Variants in PKD1L1 observed in about 807,000 individuals in gnomAD.
The protein encoded by PKD1L1 is polycystin 1 like 1, transient receptor potential channel interacting.
In PKD1L1, 236 loss-of-function variants were observed where a neutral mutation model predicts 323.4. That is an observed-to-expected ratio of 0.73 (90% CI 0.66 to 0.81). PKD1L1 has a LOEUF of 0.81. Ranked by LOEUF, PKD1L1 falls within the 40% of genes least tolerant of loss-of-function variation. The pLI is 0.00. For missense variants in PKD1L1, 3,320 were observed against 3,508.0 expected, an observed-to-expected ratio of 0.95 and a Z score of 1.35; for synonymous variants, 1,344 against 1,335.0, an observed-to-expected ratio of 1.01 and a Z score of -0.15.
In PKD1L1 at chr7:47,858,738, C is replaced by T. The variant is rs749229906; in HGVS notation, c.4297G>A (p.Glu1433Lys). ...CGATAGACTTCCTCCTTCGAGTTTT[C>T]TTGCTCAGAGACTTCCCAGACTCTG... ...ISRVWEVSEQ[E>K]NSKEEVYRHE... Residue 1433 changes from glutamate to lysine, a missense_variant, in exon 27 of 57, where the codon GAA (glutamate) becomes AAA (lysine). Coordinates refer to ENST00000289672, the MANE Select transcript of PKD1L1 (RefSeq NM_138295.5). 6.2e-7 allele frequency: 1 copy of T among 1,614,148 alleles called. No individual in the cohort carries two copies. Among genetic ancestry groups the T allele is most frequent in the South Asian group, 1.1e-5 (1 of 91,074 alleles).
chr7:47,800,926 A>G, intron 53 of PKD1L1, 47 bp from the exon 54 acceptor site: 1 of 1,512,254 alleles, frequency 6.6e-7, no homozygotes, highest in Non-Finnish European at 9.2e-7. Flanking sequence ...ACCTCTTCTT[A>G]GGAGTGGAAG....
intron 45 of PKD1L1, among the ~76,000 whole-genome samples, chr7:47,824,673 G>A (rs1322534968): frequency 2.0e-5 from 3 of 152,098 alleles, no homozygotes; most frequent in Non-Finnish European, 4.4e-5. Flanking sequence ...CTACAGGCAC[G>A]CATATTCTTG....
At chr7:47,901,228 C>T (rs777028442) in intron 13 of PKD1L1, among the ~76,000 whole-genome samples, 3 of 147,522 alleles carry the variant, frequency 2.0e-5, no homozygotes, top group Non-Finnish European at 4.4e-5. Context: ...ATCCCTGCTA[C>T]TTGGGAGGCT....
rs779290295 is a variant in PKD1L1, at chr7:47,813,210, C to T, written c.7257G>A (p.Leu2419=). ...PEVGGPENPY[L]IDPENQNVTL... Reference sequence around the variant, plus strand: ...TCACGTTTTGGTTCTCTGGGTCTATCAGGTAGGGGTTCTCAGGGCCTCCAA... The same window carrying T: ...TCACGTTTTGGTTCTCTGGGTCTATTAGGTAGGGGTTCTCAGGGCCTCCAA... The change falls in exon 49 of 57, where the codon CTG becomes CTA. Residue 2419 remains leucine, a synonymous_variant. Transcript: ENST00000289672. 1 of 1,614,216 alleles carries T rather than the reference C, an allele frequency of 6.2e-7. No homozygotes were observed. The highest frequency in any genetic ancestry group is 8.5e-7 in the Non-Finnish European group (1 of 1,180,044).
At chr7:47,776,111 A>G (rs1786563023) in intron 56 of PKD1L1, among the ~76,000 whole-genome samples, 1 of 152,208 alleles carries the variant, frequency 6.6e-6, no homozygotes, top group African/African-American at 2.4e-5. Flanking sequence ...CACATTACCA[A>G]AGTTATCTCA....
In PKD1L1 at chr7:47,928,285, G is replaced by C. The variant is rs572975199; in HGVS notation, c.1060+919C>G. 2.2e-4 allele frequency among the ~76,000 whole-genome samples: 33 copies of C among 152,310 alleles called. 1 individual carries two copies. The South Asian group carries it at 2.3e-3, about 11-fold the overall frequency. ...AGTAACTTTAAAAACAAAAGGCCGG[G>C]GGGGAAGGTGCAGTGGCTCACACCT... is the stretch of plus-strand genomic sequence containing the variant. On this transcript the variant is annotated intron_variant, in intron 7 of 56. Coordinates refer to ENST00000289672, the MANE Select transcript of PKD1L1 (RefSeq NM_138295.5).
At chr7:47,871,786 C>T (rs896050155) in intron 24 of PKD1L1, among the ~76,000 whole-genome samples, 2 of 152,172 alleles carry the variant, frequency 1.3e-5, no homozygotes, top group Non-Finnish European at 2.9e-5. Flanking sequence ...AATCTGATAA[C>T]GGTTGTCTGT....
chr7:47,784,896 T>C (rs1038602107), intron 56 of PKD1L1, among the ~76,000 whole-genome samples: 4 of 152,236 alleles, frequency 2.6e-5, no homozygotes, highest in Non-Finnish European at 4.4e-5. Context: ...CATTTTCCCA[T>C]GCTTGCTTTA....
intron 3 of PKD1L1, among the ~76,000 whole-genome samples, chr7:47,939,891 T>A (rs1227058639): frequency 6.8e-6 from 1 of 146,616 alleles, no homozygotes; most frequent in East Asian, 2.0e-4. Context: ...AGGCAGCCCC[T>A]ACTCCCCACC....
chr7:47,945,962 C>T (rs1788084872), intron 1 of PKD1L1, among the ~76,000 whole-genome samples: 1 of 152,106 alleles, frequency 6.6e-6, no homozygotes, highest in African/African-American at 2.4e-5. Flanking sequence ...CACAGAGGCG[C>T]CAAGGATAGT....
intron 13 of PKD1L1, among the ~76,000 whole-genome samples, chr7:47,899,752 C>G (rs754311324): frequency 3.9e-5 from 6 of 152,054 alleles, no homozygotes; most frequent in Non-Finnish European, 7.4e-5. Flanking sequence ...GTCAGGAGAT[C>G]AAGACCATCC....
At chr7:47,953,358 G>A (rs976105193), upstream of PKD1L1, among the ~76,000 whole-genome samples, 1 of 151,096 alleles carries the variant, frequency 6.6e-6, no homozygotes, top group African/African-American at 2.4e-5. Flanking sequence ...CCTTTCGTCT[G>A]GAGTGGTTTC....
At position 47,876,179 on chromosome 7, in the gene PKD1L1, GGT is replaced by G; in HGVS notation, c.3700_3701del (p.Thr1234LeufsTer21). 6.2e-7 allele frequency: 1 copy of G among 1,614,094 alleles called. No homozygotes were observed. Among genetic ancestry groups the G allele is most frequent in the Non-Finnish European group, 8.5e-7 (1 of 1,179,966 alleles). On this transcript the variant is annotated frameshift_variant, in exon 23 of 57. Coordinates refer to ENST00000289672, the MANE Select transcript of PKD1L1 (RefSeq NM_138295.5). LOFTEE classifies it high-confidence loss of function. The part of the protein sequence containing the change: ...HYEFSYQIGN[T>X]SKHTLYHGRD... ...TCCCATGGTACAAAGTGTGTTTGGA[GGT>G]GTTTCCTATCTGGTAACTAAATTCA...
chr7:47,871,892 T>A lies in PKD1L1; in HGVS notation c.3896+2007A>T, dbSNP rs564350810. On this transcript the variant is annotated intron_variant, in intron 24 of 56. Coordinates refer to ENST00000289672, the MANE Select transcript of PKD1L1 (RefSeq NM_138295.5). ...AGACCAGGATTTCCACGCTTGCCAC[T>A]TCTGTTCAGCGTTGAATGGAGGTTC... 2.6e-5 allele frequency among the ~76,000 whole-genome samples: 4 copies of A among 152,294 alleles called. No homozygotes were observed. In the East Asian group the frequency reaches 7.7e-4, roughly 29 times the overall value.
rs1184977452 is a variant in PKD1L1, at chr7:47,800,771, ACAG to A, written c.8068_8070del (p.Leu2690del). ...TTTTGGCTTCTTCTGGGAAAATGAAACAGCAGCCCGGGGAAGGCGTCTGTGAAG... is the reference window on the plus strand; with the variant it reads ...TTTTGGCTTCTTCTGGGAAAATGAAACAGCCCGGGGAAGGCGTCTGTGAAG... On this transcript the variant is annotated inframe_deletion, in exon 54 of 57. Transcript: ENST00000289672. The A allele has an allele frequency of 6.2e-7, 1 of 1,614,124 alleles. No homozygotes were observed. The highest frequency in any genetic ancestry group is 1.7e-5 in the Admixed American group (1 of 60,012).
At chr7:47,890,504 C>G (rs368888490) in intron 16 of PKD1L1, 38 bp downstream of exon 16, 19 of 1,597,342 alleles carry the variant, frequency 1.2e-5, no homozygotes, top group Non-Finnish European at 1.6e-5. Context: ...GGAACAAACA[C>G]CGGTGAGCTG....
chr7:47,819,687 C>A, intron 46 of PKD1L1: 1 of 783,400 alleles, frequency 1.3e-6, no homozygotes, highest in Non-Finnish European at 1.9e-6. Flanking sequence ...CTACAGAACA[C>A]CCAGACTCAT....
intron 56 of PKD1L1, among the ~76,000 whole-genome samples, chr7:47,785,330 T>C (rs1179514392): frequency 6.6e-6 from 1 of 152,204 alleles, no homozygotes; most frequent in Non-Finnish European, 1.5e-5. Flanking sequence ...GTTTTCTGAG[T>C]GGACATAGTT....
At chr7:47,898,300 T>C (rs927500098) in intron 13 of PKD1L1, 106 bp from the exon 14 acceptor site, 8 of 928,588 alleles carry the variant, frequency 8.6e-6, no homozygotes, top group Non-Finnish European at 1.3e-5. Flanking sequence ...CATTATTTGT[T>C]TGCATAGTGA....
Sources: gnomAD v4.1 joint callset for allele counts (sites outside exome capture counted in the v4.1 genomes callset) on GRCh38, gnomAD v4.1.1 for gene constraint, MANE v1.5 for transcripts, NCBI Gene and HGNC (gene_info 2026-07-23, HGNC 2026-07-21) for gene names.